CLNK: variants seen among roughly 807,000 people sequenced by gnomAD.
CLNK encodes cytokine-dependent hematopoietic cell linker.
A neutral mutation model predicts 68.6 loss-of-function variants in CLNK; 74 were observed. That is an observed-to-expected ratio of 1.08 (90% CI 0.89 to 1.31). The LOEUF is 1.31. CLNK is among the 50% of genes most tolerant of loss of function. The probability of loss-of-function intolerance (pLI) is 0.00; values close to 1 mark genes in which losing one functional copy is unlikely to be tolerated. For synonymous variants in CLNK, 198 were observed against 172.2 expected, an observed-to-expected ratio of 1.15 and a Z score of -1.17; for missense variants, 553 against 515.3, an observed-to-expected ratio of 1.07 and a Z score of -0.71.
the CLNK span, among the ~76,000 whole-genome samples, chr4:10,696,326 T>C: frequency 6.6e-6 from 1 of 152,206 alleles, no homozygotes; most frequent in Non-Finnish European, 1.5e-5. Flanking sequence ...GGGCTTCATC[T>C]GCCCCCTTTG....
At chr4:10,691,019 T>G in the CLNK span, among the ~76,000 whole-genome samples, 201 of 152,256 alleles carry the variant, frequency 1.3e-3, 8 homozygotes, top group East Asian at 0.035. Flanking sequence ...GGTCTAAGTC[T>G]GCATCTCTGC....
intron 3 of CLNK, among the ~76,000 whole-genome samples, chr4:10,595,927 C>T (rs1721366474): frequency 6.6e-6 from 1 of 152,224 alleles, no homozygotes; most frequent in South Asian, 2.1e-4. Context: ...AGAACCTACT[C>T]TATTCCCAGC....
chr4:10,689,109 TCTAAGGTTTCTTTTC>T (rs1725373045), upstream of CLNK, among the ~76,000 whole-genome samples: 1 of 152,060 alleles, frequency 6.6e-6, no homozygotes, highest in African/African-American at 2.4e-5. Flanking sequence ...GTTTTTGCTA[TCTAAGGTTTCTTTTC>T]CTTTCTTTCT....
chr4:10,734,802 C>T, the CLNK span, among the ~76,000 whole-genome samples: 12 of 152,132 alleles, frequency 7.9e-5, no homozygotes, highest in African/African-American at 9.7e-5. Flanking sequence ...CTGCTACCCA[C>T]GGGGACATGA....
intron 8 of CLNK, among the ~76,000 whole-genome samples, chr4:10,553,496 G>T (rs1719543745): frequency 6.6e-6 from 1 of 151,424 alleles, no homozygotes. Flanking sequence ...CTGTCACCCA[G>T]GCTGGAGTGC....
chr4:10,615,684 C>T (rs1453850467), intron 2 of CLNK, among the ~76,000 whole-genome samples: 1 of 152,194 alleles, frequency 6.6e-6, no homozygotes, highest in Non-Finnish European at 1.5e-5. Context: ...AGTATGCTGT[C>T]TTGTCATAGT....
At chr4:10,673,675 G>A (rs1327548268) in intron 1 of CLNK, among the ~76,000 whole-genome samples, 1 of 151,746 alleles carries the variant, frequency 6.6e-6, no homozygotes, top group Non-Finnish European at 1.5e-5. Flanking sequence ...TCAGGGGGTG[G>A]GGGGTCTGGG....
At chr4:10,539,302 G>A (rs189417292) in intron 11 of CLNK, among the ~76,000 whole-genome samples, 191 of 152,288 alleles carry the variant, frequency 1.3e-3, no homozygotes, top group Admixed American at 4.2e-3. Flanking sequence ...GGAGGAAATG[G>A]TGAAGAGACA....
At chr4:10,689,744 C>CCTTTTTTTTTTTTTT (rs1560280654), upstream of CLNK, among the ~76,000 whole-genome samples, 3 of 26,926 alleles carry the variant, frequency 1.1e-4, no homozygotes, top group Non-Finnish European at 3.1e-4. Context: ...AAAACCCATG[C>CCTTTTTTTTTTTTTT]ATTTTTTTTT....
rs563810884 is a variant in CLNK, at chr4:10,648,162, G to A, written c.11+19697C>T. The stretch of plus-strand genomic sequence containing the variant: ...AATATCTCAATGTACAAGTTACCAC[G>A]TAATGAGATACCTCATATTTATAGT... On this transcript the variant is annotated intron_variant, in intron 2 of 18. Coordinates refer to ENST00000226951, the MANE Select transcript of CLNK (RefSeq NM_052964.4). Among the ~76,000 whole-genome samples, 16 of 152,256 alleles carry A rather than the reference G, an allele frequency of 1.1e-4. No homozygotes were observed. The South Asian group carries it at 1.2e-3, about 12-fold the overall frequency.
intron 18 of CLNK, among the ~76,000 whole-genome samples, chr4:10,495,094 G>GA (rs373040131): frequency 4.6e-5 from 7 of 151,886 alleles, no homozygotes; most frequent in African/African-American, 1.7e-4. Context: ...GAGAAGGTGT[G>GA]AAAAAAACCC....
At chr4:10,542,509 A>G (rs556152750) in intron 8 of CLNK, among the ~76,000 whole-genome samples, 8 of 152,174 alleles carry the variant, frequency 5.3e-5, no homozygotes, top group Admixed American at 5.2e-4. Context: ...ACACACGGGG[A>G]AGTTAAATAT....
chr4:10,546,987 T>A (rs919088200), intron 8 of CLNK, among the ~76,000 whole-genome samples: 1 of 152,088 alleles, frequency 6.6e-6, no homozygotes, highest in Non-Finnish European at 1.5e-5. Flanking sequence ...AGCCACCAGT[T>A]CCCCTTCCAT....
chr4:10,699,438 T>C, the CLNK span, among the ~76,000 whole-genome samples: 1 of 142,130 alleles, frequency 7.0e-6, no homozygotes, highest in Non-Finnish European at 1.5e-5. Context: ...GACATTGTAT[T>C]TGTATATAAC....
chr4:10,676,424 G>T (rs1724878187), intron 1 of CLNK, among the ~76,000 whole-genome samples: 1 of 147,678 alleles, frequency 6.8e-6, no homozygotes, highest in Non-Finnish European at 1.5e-5. Context: ...GTAAGGGAGA[G>T]TGCTTTCCTA....
At position 10,490,439 on chromosome 4, in the gene CLNK, G is replaced by C; in HGVS notation, c.*28C>G. ...GAAAACAATGGAAGCGCTGAATCCA[G>C]TAAACCAAAGATAACACAAAGACCA... On this transcript the variant is annotated 3_prime_UTR_variant, in exon 19 of 19. Coordinates refer to ENST00000226951, the MANE Select transcript of CLNK (RefSeq NM_052964.4). The C allele has an allele frequency of 6.2e-7, 1 of 1,606,540 alleles. No individual in the cohort carries two copies. The highest frequency in any genetic ancestry group is 8.5e-7 in the Non-Finnish European group (1 of 1,177,354).
At position 10,487,532 on chromosome 4, in the gene CLNK, CTT is replaced by C. The variant is rs1716393721; in HGVS notation, c.*2933_*2934del. 1 of 152,124 alleles carries C rather than the reference CTT, an allele frequency of 6.6e-6. No homozygotes were observed. The highest frequency in any genetic ancestry group is 1.5e-5 in the Non-Finnish European group (1 of 68,022). The allele number at this position is 152,124 out of a possible 1,614,324, so 9.4% of individuals were successfully genotyped here. A position where few individuals can be genotyped will look rare whatever the true frequency, so the allele number is the denominator to read the frequency against. On this transcript the variant is annotated 3_prime_UTR_variant, in exon 19 of 19. Coordinates refer to ENST00000226951, the MANE Select transcript of CLNK (RefSeq NM_052964.4). ...GCTGTGGCAGGCCAGAGGTGGGTCT[CTT>C]GAGTCTCCATTGAAATAACTTGCTG...
intron 2 of CLNK, among the ~76,000 whole-genome samples, chr4:10,612,061 G>C (rs1285401007): frequency 1.3e-5 from 2 of 152,152 alleles, no homozygotes; most frequent in African/African-American, 2.4e-5. Flanking sequence ...ACAATGAAAA[G>C]GTGCATAGGT....
intron 3 of CLNK, among the ~76,000 whole-genome samples, chr4:10,593,653 GAAAAC>G (rs372454935): frequency 2.0e-5 from 3 of 152,046 alleles, no homozygotes; most frequent in African/African-American, 4.8e-5. Context: ...GACTCAGTCT[GAAAAC>G]AAAACAAAAC....
Sources: allele counts gnomAD v4.1 joint callset (sites outside exome capture counted in the v4.1 genomes callset), GRCh38; gene constraint gnomAD v4.1.1; transcripts MANE v1.5; gene names NCBI Gene and HGNC (gene_info 2026-07-23, HGNC 2026-07-21).